Variants in NREP observed in about 807,000 individuals in gnomAD.
The protein encoded by NREP is neuronal regeneration-related protein.
A neutral mutation model predicts 8.6 loss-of-function variants in NREP; 5 were observed. That is an observed-to-expected ratio of 0.58 (90% CI 0.30 to 1.22). The LOEUF (loss-of-function observed/expected upper bound fraction) is 1.22. Among genes scored for constraint, NREP ranks in the 50% most tolerant of loss-of-function variants. The probability of loss-of-function intolerance (pLI) is 0.07; values close to 1 mark genes in which losing one functional copy is unlikely to be tolerated. For synonymous variants in NREP, 27 were observed against 28.0 expected, an observed-to-expected ratio of 0.96 and a Z score of 0.11; for missense variants, 86 against 82.5, an observed-to-expected ratio of 1.04 and a Z score of -0.17.
chr5:111,751,941 C>T (rs1304795861), intron 2 of NREP, among the ~76,000 whole-genome samples: 7 of 152,146 alleles, frequency 4.6e-5, no homozygotes, highest in African/African-American at 7.2e-5. Flanking sequence ...GCCAAGGATC[C>T]CCAGTCAGCC....
intron 2 of NREP, among the ~76,000 whole-genome samples, chr5:111,781,220 A>G (rs977935114): frequency 9.2e-5 from 14 of 152,106 alleles, no homozygotes; most frequent in African/African-American, 3.4e-4. Context: ...GACCAATAGA[A>G]TGGGGTATAA....
chr5:111,969,155 TAATG>T, intron 2 of NREP, among the ~76,000 whole-genome samples: 7 of 152,234 alleles, frequency 4.6e-5, no homozygotes, highest in African/African-American at 1.4e-4. Context: ...AAAATGTTTC[TAATG>T]GTGGAACACA....
intron 2 of NREP, among the ~76,000 whole-genome samples, chr5:111,900,701 T>A (rs766222407): frequency 6.6e-6 from 1 of 151,782 alleles, no homozygotes; most frequent in African/African-American, 2.4e-5. Flanking sequence ...CCACCAACAT[T>A]AAACCAGGAA....
intron 2 of NREP, among the ~76,000 whole-genome samples, chr5:111,970,428 C>G (rs998695016): frequency 1.4e-4 from 21 of 152,202 alleles, no homozygotes; most frequent in African/African-American, 5.1e-4. Flanking sequence ...TTCACGGACA[C>G]ATTCACTGTC....
chr5:111,969,475 A>C (rs1216071891), intron 2 of NREP: 1 of 152,252 alleles, frequency 6.6e-6, no homozygotes, highest in African/African-American at 2.4e-5. Flanking sequence ...GACATACAGT[A>C]GCCATAATAA....
intron 2 of NREP, among the ~76,000 whole-genome samples, chr5:111,842,468 C>T (rs1753052312): frequency 6.6e-6 from 1 of 152,044 alleles, no homozygotes; most frequent in African/African-American, 2.4e-5. Context: ...TACCACATCC[C>T]AGAACTCTAC....
chr5:111,937,894 T>A (rs1408841411), intron 2 of NREP, among the ~76,000 whole-genome samples: 11 of 152,050 alleles, frequency 7.2e-5, no homozygotes, highest in African/African-American at 2.4e-5. Flanking sequence ...AAAGTTAGGT[T>A]GGCCAAAGCT....
rs189424629 is a variant in NREP, at chr5:111,856,396, G to A, written c.135+118878C>T. ...TCACTTTTTAATATACACAATAAGCGACCTAAACAAAAAACTCATATTCTT... is the reference window on the plus strand; with the variant it reads ...TCACTTTTTAATATACACAATAAGCAACCTAAACAAAAAACTCATATTCTT... On this transcript the variant is annotated intron_variant, in intron 2 of 3. Transcript: ENST00000395634. 1.8e-3 allele frequency among the ~76,000 whole-genome samples: 276 copies of A among 152,032 alleles called. 2 individuals are homozygous for A. The highest frequency in any genetic ancestry group is 6.4e-3 in the African/African-American group (265 of 41,474).
chr5:111,741,832 C>CACACAG lies in NREP; in HGVS notation c.4-6326_4-6325insCTGTGT, dbSNP rs1749696579. Among the ~76,000 whole-genome samples, 5 of 16,036 alleles carry CACACAG rather than the reference C, an allele frequency of 3.1e-4. No individual in the cohort carries two copies. The East Asian group carries it at 4.3e-3, about 14-fold the overall frequency. The allele number at this position is 16,036 out of a possible 152,430, so 10.5% of individuals were successfully genotyped here. ...TAATTTAAACACACACATACACACA[C>CACACAG]ACACACACACACACACACACACACA... On this transcript the variant is annotated intron_variant, in intron 2 of 3. Transcript: ENST00000257435.
At chr5:111,757,952 A>T, upstream of NREP, 1 of 985,576 alleles carries the variant, frequency 1.0e-6, no homozygotes, top group Non-Finnish European at 1.2e-6. Context: ...AACCTGCAGC[A>T]GAGGGCATCT....
At chr5:111,952,859 G>C (rs1281236885) in intron 2 of NREP, among the ~76,000 whole-genome samples, 2 of 152,100 alleles carry the variant, frequency 1.3e-5, no homozygotes, top group African/African-American at 2.4e-5. Context: ...TTACAAAACA[G>C]ATATATAAAA....
rs1246609322 is a variant in NREP at position 111,865,073 on chromosome 5, G to A, written c.135+110201C>T. ...ACAAGTTAGTGTGTGTACCTGCCTC[G>A]TTCTGAAGCAATAGACAGCATGCTC... On this transcript the variant is annotated intron_variant, in intron 2 of 3. Transcript: ENST00000395634. Among the ~76,000 whole-genome samples the A allele has an allele frequency of 5.3e-5, 8 of 152,030 alleles. No homozygotes were observed. In the East Asian group the frequency reaches 1.3e-3, roughly 26 times the overall value.
intron 2 of NREP, among the ~76,000 whole-genome samples, chr5:111,936,262 TTTCCCCCATGCTG>T (rs1358629689): frequency 2.0e-5 from 3 of 151,998 alleles, no homozygotes; most frequent in African/African-American, 7.2e-5. Context: ...ATGGGGGCAG[TTTCCCCCATGCTG>T]TTCTCATGAT....
In NREP at chr5:111,774,844, A is replaced by T. The variant is rs556353013; in HGVS notation, c.136-39337T>A. ...ACAGAGGACCAGTATGGTGACCTGG[A>T]CTTCTAATCTGCAGATTTATGAGAT... On this transcript the variant is annotated intron_variant, in intron 2 of 3. Coordinates refer to the NREP transcript ENST00000395634. 1.9e-4 allele frequency among the ~76,000 whole-genome samples: 29 copies of T among 152,346 alleles called. No individual in the cohort carries two copies. The East Asian group carries it at 5.0e-3, about 26-fold the overall frequency.
At chr5:111,888,844 G>A (rs867138273) in intron 2 of NREP, among the ~76,000 whole-genome samples, 4 of 152,106 alleles carry the variant, frequency 2.6e-5, no homozygotes, top group East Asian at 1.9e-4. Flanking sequence ...AGTCTCTCTC[G>A]AGACCTCATT....
intron 2 of NREP, among the ~76,000 whole-genome samples, chr5:111,936,985 T>C (rs1432230768): frequency 1.3e-5 from 2 of 152,050 alleles, no homozygotes; most frequent in Non-Finnish European, 2.9e-5. Context: ...CAGAGAAGCA[T>C]TTCTCCTTCA....
chr5:111,851,046 T>C lies in NREP; in HGVS notation c.136-115539A>G, dbSNP rs1753294085. Among the ~76,000 whole-genome samples the C allele has an allele frequency of 2.0e-5, 3 of 152,272 alleles. No individual in the cohort carries two copies. In the South Asian group the frequency reaches 6.2e-4, roughly 32 times the overall value. On this transcript the variant is annotated intron_variant, in intron 2 of 3. Transcript: ENST00000395634. ...AGATACCTTGTGGGGTCTGGCACAG[T>C]CAGTGTCATTTTCCTACTGGGTCAT...
intron 2 of NREP, among the ~76,000 whole-genome samples, chr5:111,893,940 G>A (rs987744366): frequency 2.6e-5 from 4 of 152,054 alleles, no homozygotes; most frequent in Non-Finnish European, 4.4e-5. Context: ...ATAACAGGCC[G>A]GGCGCAGTGG....
At chr5:111,882,667 G>A (rs1044369332) in intron 2 of NREP, among the ~76,000 whole-genome samples, 4 of 152,160 alleles carry the variant, frequency 2.6e-5, no homozygotes, top group Non-Finnish European at 2.9e-5. Flanking sequence ...AAGAGTGGGG[G>A]CCAATATTCA....
Sources: gnomAD v4.1 joint callset for allele counts (sites outside exome capture counted in the v4.1 genomes callset) on GRCh38, gnomAD v4.1.1 for gene constraint, MANE v1.5 for transcripts, NCBI Gene and HGNC (gene_info 2026-07-23, HGNC 2026-07-21) for gene names.